Variants in KANSL3 observed in about 807,000 individuals in gnomAD.
KANSL3 encodes KAT8 regulatory NSL complex subunit 3.
A neutral mutation model predicts 89.2 loss-of-function variants in KANSL3; 16 were observed. The ratio of observed to expected loss-of-function variants is 0.18; its 90% confidence interval spans 0.12 to 0.27. The LOEUF (loss-of-function observed/expected upper bound fraction) is 0.27, where lower values mean the gene tolerates loss of function less well. KANSL3 is among the 10% of genes least tolerant of loss of function. The pLI is 1.00. For synonymous variants in KANSL3, 385 were observed against 419.7 expected, an observed-to-expected ratio of 0.92 and a Z score of 1.01; for missense variants, 879 against 1,110.6, an observed-to-expected ratio of 0.79 and a Z score of 2.96.
intron 9 of KANSL3, 47 bp downstream of exon 9, chr2:96,612,235 G>T (rs1313581218): frequency 2.3e-6 from 3 of 1,296,376 alleles, no homozygotes; most frequent in African/African-American, 1.5e-5. Flanking sequence ...TATGATTAGT[G>T]GTATTCCATC....
intron 3 of KANSL3, among the ~76,000 whole-genome samples, chr2:96,625,328 C>CG (rs1435035100): frequency 6.6e-6 from 1 of 152,328 alleles, no homozygotes; most frequent in South Asian, 2.1e-4. Context: ...TTACCTCTAG[C>CG]AATCATGCTA....
intron 3 of KANSL3, among the ~76,000 whole-genome samples, chr2:96,625,326 A>G (rs1653538966): frequency 6.6e-6 from 1 of 152,256 alleles, no homozygotes; most frequent in African/African-American, 2.4e-5. Flanking sequence ...CCTTACCTCT[A>G]GCAATCATGC....
At chr2:96,625,113 G>A (rs2072058602) in intron 3 of KANSL3, among the ~76,000 whole-genome samples, 1 of 152,150 alleles carries the variant, frequency 6.6e-6, no homozygotes, top group Admixed American at 6.5e-5. Flanking sequence ...GGGAGGCTGA[G>A]AGAGGAGAAT....
At chr2:96,632,143 C>T (rs145763532) in intron 2 of KANSL3, among the ~76,000 whole-genome samples, 2 of 152,158 alleles carry the variant, frequency 1.3e-5, no homozygotes, top group East Asian at 3.9e-4. Flanking sequence ...CACTTAAGCC[C>T]AGGAGTGAGC....
At chr2:96,616,521 A>G (rs1341097437) in intron 5 of KANSL3, among the ~76,000 whole-genome samples, 2 of 152,224 alleles carry the variant, frequency 1.3e-5, no homozygotes, top group Non-Finnish European at 1.5e-5. Flanking sequence ...AGCTGGGTGA[A>G]GAGCATGATC....
chr2:96,601,845 C>T (rs1378335427), intron 19 of KANSL3, 69 bp from the exon 20 acceptor site: 2 of 1,480,670 alleles, frequency 1.4e-6, no homozygotes, highest in Non-Finnish European at 1.8e-6. Context: ...CTTTCCTTTC[C>T]TGGAGAGCTT....
At chr2:96,617,931 C>T (rs921200056) in intron 5 of KANSL3, among the ~76,000 whole-genome samples, 1 of 148,708 alleles carries the variant, frequency 6.7e-6, no homozygotes, top group African/African-American at 2.5e-5. Context: ...TGCAGTGAGC[C>T]GAGATCGTGC....
chr2:96,607,017 A>G (rs2068083136), intron 14 of KANSL3: 1 of 1,289,838 alleles, frequency 7.8e-7, no homozygotes, highest in Non-Finnish European at 1.0e-6. Context: ...CCTCACCAGC[A>G]TATTTTGTTT....
At chr2:96,591,934 G>A (rs1008253249), downstream of KANSL3, among the ~76,000 whole-genome samples, 2 of 152,142 alleles carry the variant, frequency 1.3e-5, no homozygotes, top group African/African-American at 4.8e-5. Context: ...TATTTTGGTG[G>A]TGAATAGGTT....
chr2:96,622,113 C>CAAA (rs113914476), intron 3 of KANSL3, among the ~76,000 whole-genome samples: 1 of 130,668 alleles, frequency 7.7e-6, no homozygotes. Flanking sequence ...GACTCCAGCT[C>CAAA]AAAAAAAAAA....
chr2:96,615,623 A>G (rs2069933600), intron 5 of KANSL3: 2 of 660,180 alleles, frequency 3.0e-6, no homozygotes, highest in African/African-American at 1.9e-5. Flanking sequence ...TGGAGAATAA[A>G]AAGTACTACG....
At chr2:96,585,078 G>T in the KANSL3 span, among the ~76,000 whole-genome samples, 2 of 152,168 alleles carry the variant, frequency 1.3e-5, no homozygotes, top group African/African-American at 4.8e-5. Context: ...GTTGGCTTAG[G>T]TAAAGAGTTA....
At chr2:96,597,340 A>G (rs531717109) in intron 20 of KANSL3, among the ~76,000 whole-genome samples, 51 of 152,248 alleles carry the variant, frequency 3.3e-4, no homozygotes, top group South Asian at 2.9e-3. Context: ...CCACCACAAC[A>G]GTCACTGAAT....
chr2:96,618,753 A>T (rs1030339904), intron 5 of KANSL3, among the ~76,000 whole-genome samples: 6 of 152,274 alleles, frequency 3.9e-5, no homozygotes, highest in Non-Finnish European at 7.3e-5. Flanking sequence ...AGCTGAGATC[A>T]GCCAGGCAAT....
chr2:96,627,013 T>C (rs573504877), intron 3 of KANSL3, among the ~76,000 whole-genome samples: 23 of 152,234 alleles, frequency 1.5e-4, no homozygotes, highest in Non-Finnish European at 3.2e-4. Context: ...TGAAACAGTA[T>C]TAATTTTTTT....
At chr2:96,611,728 G>T (rs78662903) in intron 9 of KANSL3, among the ~76,000 whole-genome samples, 1 of 152,066 alleles carries the variant, frequency 6.6e-6, no homozygotes, top group Non-Finnish European at 1.5e-5. Context: ...TGTAAAATAC[G>T]AAAAGATTCC....
intron 19 of KANSL3, 99 bp downstream of exon 19, chr2:96,602,017 G>T: frequency 7.9e-7 from 1 of 1,262,400 alleles, no homozygotes. Flanking sequence ...GACCCTGTGG[G>T]ACTGGTTTCA....
chr2:96,609,500 T>A lies in KANSL3; in HGVS notation c.1382A>T (p.Gln461Leu), dbSNP rs761262407. 6.2e-7 allele frequency: 1 copy of A among 1,613,570 alleles called. No homozygotes were observed. The highest frequency in any genetic ancestry group is 8.5e-7 in the Non-Finnish European group (1 of 1,179,442). Residue 461 changes from glutamine (Q) to leucine (L), a missense_variant and splice_region_variant, in exon 12 of 21, where the codon CAG (glutamine) becomes CTG (leucine). Transcript: ENST00000431828. ...AAAGCACACAAAACAACTGTTTACC[T>A]GAATACATCTGTCCACCATGCTCTG... is the stretch of plus-strand genomic sequence containing the variant. Reference protein sequence around the residue: ...LTQSMVDRCIQDEIVDFLTGV... With the variant: ...LTQSMVDRCILDEIVDFLTGV...
the KANSL3 span, among the ~76,000 whole-genome samples, chr2:96,580,807 G>A: frequency 6.7e-3 from 1,018 of 152,334 alleles, 13 homozygotes; most frequent in East Asian, 0.067. Context: ...CCTACAGTGG[G>A]CTCCACAGGA....
Sources: allele counts gnomAD v4.1 joint callset (sites outside exome capture counted in the v4.1 genomes callset), GRCh38; gene constraint gnomAD v4.1.1; transcripts MANE v1.5; gene names NCBI Gene and HGNC (gene_info 2026-07-23, HGNC 2026-07-21).